CNTNAP2: variants seen among roughly 807,000 people sequenced by gnomAD.
CNTNAP2 encodes contactin associated protein 2.
CNTNAP2 carries 98 observed loss-of-function variants against 155.2 expected under a neutral mutation model. The ratio of observed to expected loss-of-function variants is 0.63; its 90% CI spans 0.54 to 0.75. The LOEUF (loss-of-function observed/expected upper bound fraction) is 0.75. Ranked by LOEUF, CNTNAP2 falls within the 30% of genes least tolerant of loss-of-function variation. CNTNAP2 has a pLI of 0.00. For synonymous variants in CNTNAP2, 651 were observed against 631.2 expected, an observed-to-expected ratio of 1.03 and a Z score of -0.47; for missense variants, 1,727 against 1,688.1, an observed-to-expected ratio of 1.02 and a Z score of -0.40.
At chr7:147,069,312 C>T (rs1799845093) in intron 4 of CNTNAP2, among the ~76,000 whole-genome samples, 1 of 152,158 alleles carries the variant, frequency 6.6e-6, no homozygotes, top group South Asian at 2.1e-4. Context: ...GATATAGGAC[C>T]TTAATTACAT....
At chr7:146,388,589 A>G (rs931463912) in intron 1 of CNTNAP2, among the ~76,000 whole-genome samples, 1 of 152,142 alleles carries the variant, frequency 6.6e-6, no homozygotes, top group Non-Finnish European at 1.5e-5. Flanking sequence ...TCAGGCATTT[A>G]TCCTTTGAGT....
chr7:146,544,636 A>G (rs1798002158), intron 1 of CNTNAP2, among the ~76,000 whole-genome samples: 1 of 152,090 alleles, frequency 6.6e-6, no homozygotes, highest in Non-Finnish European at 1.5e-5. Flanking sequence ...ATTAGGCTTT[A>G]AAGTTAATAG....
chr7:147,209,958 T>C (rs1230013421), intron 8 of CNTNAP2, among the ~76,000 whole-genome samples: 1 of 152,046 alleles, frequency 6.6e-6, no homozygotes, highest in Non-Finnish European at 1.5e-5. Context: ...TGCATTAACT[T>C]TTTGATGTGC....
At chr7:147,026,271 T>G (rs944454562) in intron 3 of CNTNAP2, among the ~76,000 whole-genome samples, 1 of 152,228 alleles carries the variant, frequency 6.6e-6, no homozygotes, top group African/African-American at 2.4e-5. Flanking sequence ...CACAGGTGTT[T>G]GTGTGAAACA....
chr7:147,825,984 T>C (rs1205307663), intron 13 of CNTNAP2, among the ~76,000 whole-genome samples: 5 of 152,202 alleles, frequency 3.3e-5, no homozygotes, highest in Non-Finnish European at 7.4e-5. Context: ...GGAGGGATAG[T>C]AGGTAGTAAA....
chr7:146,163,498 T>G (rs1320036197), intron 1 of CNTNAP2, among the ~76,000 whole-genome samples: 1 of 85,900 alleles, frequency 1.2e-5, no homozygotes, highest in Non-Finnish European at 2.3e-5. Flanking sequence ...TATATCTATA[T>G]CTATATATCT....
At chr7:147,328,573 T>C (rs1159053259) in intron 9 of CNTNAP2, among the ~76,000 whole-genome samples, 1 of 152,210 alleles carries the variant, frequency 6.6e-6, no homozygotes, top group Non-Finnish European at 1.5e-5. Context: ...GGAAATATTA[T>C]AAAATTAATT....
chr7:148,187,109 TACACACACAC>T (rs142565546), intron 18 of CNTNAP2, among the ~76,000 whole-genome samples: 1 of 49,262 alleles, frequency 2.0e-5, no homozygotes, highest in African/African-American at 4.9e-5. Flanking sequence ...CAAGGAAACA[TACACACACAC>T]ACACACACAC....
chr7:146,871,910 A>G (rs558019086), intron 3 of CNTNAP2, among the ~76,000 whole-genome samples: 8 of 152,248 alleles, frequency 5.3e-5, no homozygotes, highest in African/African-American at 1.9e-4. Context: ...ACAACTTGAT[A>G]CATCACATAT....
At chr7:147,519,269 G>A (rs1488061380) in intron 11 of CNTNAP2, among the ~76,000 whole-genome samples, 2 of 152,052 alleles carry the variant, frequency 1.3e-5, no homozygotes, top group Non-Finnish European at 2.9e-5. Flanking sequence ...TTAGGGCACT[G>A]GCCGTCATCT....
At chr7:147,980,315 T>C (rs757321296) in intron 15 of CNTNAP2, among the ~76,000 whole-genome samples, 1 of 152,228 alleles carries the variant, frequency 6.6e-6, no homozygotes, top group African/African-American at 2.4e-5. Flanking sequence ...TTCATTTGCA[T>C]TTCTATTCTA....
chr7:146,958,415 T>C (rs1012921989), intron 3 of CNTNAP2, among the ~76,000 whole-genome samples: 1 of 138,226 alleles, frequency 7.2e-6, no homozygotes, highest in African/African-American at 2.7e-5. Context: ...TGGTTTTTTT[T>C]TTTTTTTTTT....
chr7:147,450,276 T>C (rs766385752), intron 10 of CNTNAP2, among the ~76,000 whole-genome samples: 54 of 152,292 alleles, frequency 3.5e-4, no homozygotes, highest in Admixed American at 2.7e-3. Context: ...TGAGATGCAA[T>C]ATGAGGAGCC....
chr7:147,084,713 T>C (rs1800234072), intron 4 of CNTNAP2, among the ~76,000 whole-genome samples: 2 of 147,744 alleles, frequency 1.4e-5, no homozygotes. Context: ...GCATATATAA[T>C]ATATAATGCT....
chr7:146,185,761 C>CCTTTTTTT lies in CNTNAP2; in HGVS notation c.97+68788_97+68789insCTTTTTTT, dbSNP rs1554400925. 3.2e-5 allele frequency among the ~76,000 whole-genome samples: 3 copies of CCTTTTTTT among 94,888 alleles called. 1 individual carries two copies. Among genetic ancestry groups the CCTTTTTTT allele is most frequent in the African/African-American group, 8.0e-5 (2 of 25,072 alleles). The allele number at this position is 94,888 out of a possible 152,430, so 62.3% of individuals were successfully genotyped here. Reference sequence around the variant, plus strand: ...TTCAGGGAGTGAACTTTTTATTATTCTTTTTTTTTTTTTTTTTGTAGAACA... The same window carrying CCTTTTTTT: ...TTCAGGGAGTGAACTTTTTATTATTCCTTTTTTTTTTTTTTTTTTTTTTTTGTAGAACA... On this transcript the variant is annotated intron_variant, in intron 1 of 23. Transcript: ENST00000361727.
intron 1 of CNTNAP2, among the ~76,000 whole-genome samples, chr7:146,566,419 G>A (rs139225530): frequency 2.3e-4 from 35 of 152,174 alleles, no homozygotes; most frequent in Middle Eastern, 3.4e-3. Context: ...TAGTGGAAGC[G>A]CTTTTATCTT....
intron 18 of CNTNAP2, among the ~76,000 whole-genome samples, chr7:148,198,017 T>C (rs1235916779): frequency 1.3e-5 from 2 of 152,234 alleles, no homozygotes; most frequent in Non-Finnish European, 2.9e-5. Context: ...CCTTAATCCA[T>C]GTATCTTTTC....
At chr7:148,157,442 A>G (rs145394030) in intron 17 of CNTNAP2, among the ~76,000 whole-genome samples, 1 of 152,256 alleles carries the variant, frequency 6.6e-6, no homozygotes, top group East Asian at 1.9e-4. Context: ...TTCCAAAGCA[A>G]GAAGGGTTTT....
At position 146,918,969 on chromosome 7, in the gene CNTNAP2, C is replaced by A. The variant is rs571833377; in HGVS notation, c.402+79065C>A. Among the ~76,000 whole-genome samples the A allele has an allele frequency of 4.6e-5, 7 of 152,210 alleles. No individual in the cohort carries two copies. In the South Asian group the frequency reaches 1.5e-3, roughly 32 times the overall value. On this transcript the variant is annotated intron_variant, in intron 3 of 23. Transcript: ENST00000361727. ...GTTCTTTCTTCTACTTGTTTGATTC[C>A]ATTGCTGAGACTTGCCAGTGCATTT...
Sources: gnomAD v4.1 joint callset for allele counts (sites outside exome capture counted in the v4.1 genomes callset) on GRCh38, gnomAD v4.1.1 for gene constraint, MANE v1.5 for transcripts, NCBI Gene and HGNC (gene_info 2026-07-23, HGNC 2026-07-21) for gene names.